RAB11FIP4: variants seen among roughly 807,000 people sequenced by gnomAD.
The protein encoded by RAB11FIP4 is RAB11 family interacting protein 4, also known as rab11 family-interacting protein 4.
In RAB11FIP4, 23 loss-of-function variants were observed where a neutral mutation model predicts 74.3. The ratio of observed to expected loss-of-function variants is 0.31; its 90% CI spans 0.22 to 0.44. The LOEUF is 0.44. Ranked by LOEUF, RAB11FIP4 falls within the 20% of genes least tolerant of loss-of-function variation. RAB11FIP4 has a pLI of 1.00. For synonymous variants in RAB11FIP4, 360 were observed against 359.9 expected (o/e 1.00, Z 0.00); for missense variants, 630 against 863.9 (o/e 0.73, Z 3.39).
In RAB11FIP4 at chr17:31,524,033, C is replaced by T. The variant is rs371472771; in HGVS notation, c.1133+37C>T. 6.0e-5 allele frequency: 89 copies of T among 1,476,930 alleles called. No individual in the cohort carries two copies. The East Asian group carries it at 7.4e-4, about 12-fold the overall frequency. 91.5% of individuals were successfully genotyped at this position (1,476,930 alleles called of 1,614,324 possible). On this transcript the variant is annotated intron_variant, in intron 9 of 14. Transcript: ENST00000621161. ...AGCGGCGCTGGGGGCTCGGCCGTGA[C>T]GCTGGGGAACAAAGGGGGGTCCATC...
chr17:31,443,850 G>A (rs1227203541), intron 3 of RAB11FIP4, among the ~76,000 whole-genome samples: 3 of 152,224 alleles, frequency 2.0e-5, no homozygotes, highest in Non-Finnish European at 4.4e-5. Flanking sequence ...AGAAGGCAGA[G>A]GTTGCAGCCA....
rs777056987 is a variant in RAB11FIP4, at chr17:31,517,715, T to C, written c.401T>C (p.Phe134Ser). 2.5e-6 allele frequency: 4 copies of C among 1,605,034 alleles called. No homozygotes were observed. In the Admixed American group the frequency reaches 6.8e-5, roughly 27 times the overall value. Residue 134 changes from phenylalanine (F) to serine (S), a missense_variant, in exon 4 of 15, where the codon TTT (phenylalanine) becomes TCT (serine). Phe to Ser is a radical substitution (Grantham distance 155). Transcript: ENST00000621161. Reference protein sequence around the residue: ...GELIPREPGFFPEDEEEAMTL... With the variant: ...GELIPREPGFSPEDEEEAMTL... ...CTCATCCCCAGGGAACCCGGCTTTT[T>C]TCCCGAGGACGAGGAGGAGGCTATG...
At chr17:31,500,083 T>C (rs2072190027) in intron 3 of RAB11FIP4, among the ~76,000 whole-genome samples, 1 of 152,130 alleles carries the variant, frequency 6.6e-6, no homozygotes, top group South Asian at 2.1e-4. Flanking sequence ...ACCCTTTTTG[T>C]TTAGGAAATG....
chr17:31,399,385 A>C (rs2070962631), intron 1 of RAB11FIP4, among the ~76,000 whole-genome samples: 1 of 152,176 alleles, frequency 6.6e-6, no homozygotes, highest in African/African-American at 2.4e-5. Context: ...AGTATCCCTT[A>C]CATTTACCCT....
intron 3 of RAB11FIP4, among the ~76,000 whole-genome samples, chr17:31,447,994 G>C (rs1325807271): frequency 6.6e-6 from 1 of 151,124 alleles, no homozygotes; most frequent in African/African-American, 2.4e-5. Flanking sequence ...TGGATTTTTG[G>C]AGAGACAGGG....
chr17:31,447,163 A>G (rs1597922239), intron 3 of RAB11FIP4, among the ~76,000 whole-genome samples: 1 of 152,236 alleles, frequency 6.6e-6, no homozygotes, highest in African/African-American at 2.4e-5. Context: ...GGGCGCCTGT[A>G]GTCCCAGCTA....
At chr17:31,466,440 C>T (rs1364612309) in intron 3 of RAB11FIP4, among the ~76,000 whole-genome samples, 1 of 152,156 alleles carries the variant, frequency 6.6e-6, no homozygotes, top group Non-Finnish European at 1.5e-5. Flanking sequence ...GTAAAAAGTA[C>T]TTAGGTTAGT....
chr17:31,530,174 T>G, intron 13 of RAB11FIP4, 152 bp from the exon 14 acceptor site: 1 of 1,011,900 alleles, frequency 9.9e-7, no homozygotes, highest in South Asian at 1.5e-5. Context: ...TGGCAAAGGC[T>G]GCAACATCTA....
At chr17:31,458,783 G>T (rs1009195222) in intron 3 of RAB11FIP4, among the ~76,000 whole-genome samples, 10 of 152,226 alleles carry the variant, frequency 6.6e-5, no homozygotes, top group African/African-American at 2.4e-4. Context: ...CTGGCCTTGT[G>T]GGTCACCCAG....
At chr17:31,462,187 A>G (rs1052080203) in intron 3 of RAB11FIP4, among the ~76,000 whole-genome samples, 1 of 151,714 alleles carries the variant, frequency 6.6e-6, no homozygotes, top group African/African-American at 2.4e-5. Context: ...AATTGCTTGA[A>G]CCTGGGAGGC....
intron 3 of RAB11FIP4, among the ~76,000 whole-genome samples, chr17:31,490,114 A>G (rs1356872943): frequency 6.6e-6 from 1 of 152,082 alleles, no homozygotes; most frequent in Admixed American, 6.6e-5. Context: ...TGCACTCGGA[A>G]GGCTCTGGGC....
intron 1 of RAB11FIP4, among the ~76,000 whole-genome samples, chr17:31,405,644 G>A (rs1048314685): frequency 1.3e-5 from 2 of 152,090 alleles, no homozygotes; most frequent in Admixed American, 6.5e-5. Context: ...AAGTGCTACC[G>A]CACCCAGCCT....
In RAB11FIP4 at chr17:31,531,882, G is replaced by T. The variant is rs558714377; in HGVS notation, c.*150G>T. 22 of 651,988 alleles carry T rather than the reference G, an allele frequency of 3.4e-5. No homozygotes were observed. Among genetic ancestry groups the T allele is most frequent in the Non-Finnish European group, 6.0e-5 (22 of 366,440 alleles). 40.4% of individuals were successfully genotyped at this position (651,988 alleles called of 1,614,324 possible). A position where few individuals can be genotyped will look rare whatever the true frequency, so the allele number is the denominator to read the frequency against. On this transcript the variant is annotated 3_prime_UTR_variant, in exon 15 of 15. Coordinates refer to ENST00000621161, the MANE Select transcript of RAB11FIP4 (RefSeq NM_032932.6). ...ACGTGTACCCGTGTATATGTGGGGAGGCTGTGCACACGAGCGAGGGGTGAG... is the reference window on the plus strand; with the variant it reads ...ACGTGTACCCGTGTATATGTGGGGATGCTGTGCACACGAGCGAGGGGTGAG...
rs2072707332 is a variant in RAB11FIP4 at position 31,523,526 on chromosome 17, G to C, written c.944G>C (p.Ser315Thr). The change falls in exon 8 of 15, where the codon AGC becomes ACC. Residue 315 changes from serine to threonine, a missense_variant. Ser to Thr is a moderately conservative substitution (Grantham distance 58). Coordinates refer to ENST00000621161, the MANE Select transcript of RAB11FIP4 (RefSeq NM_032932.6). The stretch of plus-strand genomic sequence containing the variant: ...CACCCCTGCAGGCAGCTCATGCACA[G>C]CAGCAACTTCAGCAGCAGCAATGGC... ...STAFGRQLMHSSNFSSSNGST... is the reference protein window; with the variant it reads ...STAFGRQLMHTSNFSSSNGST... 6.2e-7 allele frequency: 1 copy of C among 1,613,976 alleles called. No individual in the cohort carries two copies. The highest frequency in any genetic ancestry group is 1.3e-5 in the African/African-American group (1 of 74,918).
At position 31,395,489 on chromosome 17, in the gene RAB11FIP4, G is replaced by A. The variant is rs572142898; in HGVS notation, c.159+3478G>A. Among the ~76,000 whole-genome samples, 45 of 152,296 alleles carry A rather than the reference G, an allele frequency of 3.0e-4. No homozygotes were observed. In the South Asian group the frequency reaches 9.1e-3, roughly 31 times the overall value. On this transcript the variant is annotated intron_variant, in intron 1 of 14. Transcript: ENST00000621161. ...AACATCGATAGTGACAGATTGTGAT[G>A]ATGGCATACACCCTTGGTGTGATGT...
intron 3 of RAB11FIP4, among the ~76,000 whole-genome samples, chr17:31,449,259 C>A (rs1471720760): frequency 6.6e-6 from 1 of 152,004 alleles, no homozygotes; most frequent in Non-Finnish European, 1.5e-5. Context: ...GGATCCCAGC[C>A]CCTCCTGCCA....
intron 10 of RAB11FIP4, 39 bp from the exon 11 acceptor site, chr17:31,527,803 A>T (rs947710689): frequency 6.6e-7 from 1 of 1,518,974 alleles, no homozygotes; most frequent in African/African-American, 1.4e-5. Context: ...GATAGTCTAC[A>T]TTCCAGGTTT....
chr17:31,409,400 T>C (rs2071072312), intron 1 of RAB11FIP4, among the ~76,000 whole-genome samples: 1 of 152,148 alleles, frequency 6.6e-6, no homozygotes, highest in Non-Finnish European at 1.5e-5. Context: ...TCCCAGTTGA[T>C]GTAAAGAATT....
At chr17:31,453,987 C>A (rs1308704773) in intron 3 of RAB11FIP4, among the ~76,000 whole-genome samples, 4 of 152,110 alleles carry the variant, frequency 2.6e-5, no homozygotes, top group Admixed American at 6.5e-5. Flanking sequence ...CCTCCTCCCA[C>A]AACCGCATCC....
Sources: allele counts gnomAD v4.1 joint callset (sites outside exome capture counted in the v4.1 genomes callset), GRCh38; gene constraint gnomAD v4.1.1; transcripts MANE v1.5; gene names NCBI Gene and HGNC (gene_info 2026-07-23, HGNC 2026-07-21).